Variants in DIS3L2 observed in about 807,000 individuals in gnomAD.
DIS3L2 encodes the protein DIS3-like exonuclease 2.
Under a neutral mutation model 97.5 loss-of-function variants are expected in DIS3L2, and 34 were observed. The observed-to-expected ratio is 0.35, with a 90% confidence interval of 0.27 to 0.46. DIS3L2 has a LOEUF of 0.46. Ranked by LOEUF, DIS3L2 falls within the 20% of genes least tolerant of loss-of-function variation. The pLI is 1.00. For missense variants in DIS3L2, 1,038 were observed against 1,146.0 expected, an observed-to-expected ratio of 0.91 and a Z score of 1.36; for synonymous variants, 435 against 445.2, an observed-to-expected ratio of 0.98 and a Z score of 0.29.
At chr2:232,324,307 T>C (rs1253642859) in intron 14 of DIS3L2, among the ~76,000 whole-genome samples, 3 of 152,266 alleles carry the variant, frequency 2.0e-5, no homozygotes, top group African/African-American at 7.2e-5. Context: ...GCAATTCTTA[T>C]CAAAGCCACG....
chr2:231,993,276 C>T (rs73098535), intron 1 of DIS3L2, among the ~76,000 whole-genome samples: 5,008 of 152,028 alleles, frequency 0.033, 111 homozygotes, highest in African/African-American at 0.051. Context: ...TGCAGTGGTA[C>T]GATCTTGGCT....
At chr2:232,020,846 T>C (rs1694492422) in intron 3 of DIS3L2, among the ~76,000 whole-genome samples, 1 of 152,036 alleles carries the variant, frequency 6.6e-6, no homozygotes, top group South Asian at 2.1e-4. Flanking sequence ...CTTCAAAGAG[T>C]GTGTGGCATG....
chr2:232,185,984 T>C (rs1384734015), intron 9 of DIS3L2, among the ~76,000 whole-genome samples: 1 of 152,228 alleles, frequency 6.6e-6, no homozygotes, highest in Admixed American at 6.5e-5. Context: ...GCTGGTTCTT[T>C]TTTTTTAAAA....
intron 6 of DIS3L2, among the ~76,000 whole-genome samples, chr2:232,122,482 C>T (rs191052079): frequency 1.4e-3 from 215 of 152,200 alleles, no homozygotes; most frequent in African/African-American, 4.8e-3. Flanking sequence ...TTTGGAAGGC[C>T]GAGGTGGGTG....
chr2:232,124,283 C>T (rs1697992410), intron 6 of DIS3L2, among the ~76,000 whole-genome samples: 1 of 152,030 alleles, frequency 6.6e-6, no homozygotes, highest in African/African-American at 2.4e-5. Flanking sequence ...AGTCTGTTTC[C>T]CCTGTTTAAA....
intron 6 of DIS3L2, among the ~76,000 whole-genome samples, chr2:232,088,503 G>A (rs1312332094): frequency 6.6e-6 from 1 of 151,444 alleles, no homozygotes; most frequent in East Asian, 1.9e-4. Context: ...TGGAGCTTGC[G>A]GTGAGCCTAG....
intron 13 of DIS3L2, among the ~76,000 whole-genome samples, chr2:232,277,277 G>A (rs967283440): frequency 9.9e-5 from 15 of 152,170 alleles, no homozygotes; most frequent in Admixed American, 8.5e-4. Context: ...CCCAAGTCAC[G>A]CAAATGTGAG....
chr2:232,281,187 C>T lies in DIS3L2; in HGVS notation c.1659+17747C>T, dbSNP rs1369089670. On this transcript the variant is annotated intron_variant, in intron 13 of 20. Coordinates refer to ENST00000325385, the MANE Select transcript of DIS3L2 (RefSeq NM_152383.5). This position sits in a 1 kb window ranked among gnomAD's most constrained non-coding sequence, Gnocchi z 4.1. Reference sequence around the variant, plus strand: ...GGCCGAGGCGGGTGGATCACAAGGTCAGGAGATCGAGACCATCCTGGCTAA... The same window carrying T: ...GGCCGAGGCGGGTGGATCACAAGGTTAGGAGATCGAGACCATCCTGGCTAA... Among the ~76,000 whole-genome samples, 1 of 152,168 alleles carries T rather than the reference C, an allele frequency of 6.6e-6. No homozygotes were observed. Among genetic ancestry groups the T allele is most frequent in the Non-Finnish European group, 1.5e-5 (1 of 68,032 alleles).
chr2:232,139,188 A>C (rs954809478), intron 8 of DIS3L2, among the ~76,000 whole-genome samples: 7 of 152,200 alleles, frequency 4.6e-5, no homozygotes, highest in Non-Finnish European at 1.0e-4. Flanking sequence ...AGGAAGTCTC[A>C]TGAGAAAATC....
At chr2:232,294,132 C>A (rs1694667088) in intron 13 of DIS3L2, among the ~76,000 whole-genome samples, 1 of 152,204 alleles carries the variant, frequency 6.6e-6, no homozygotes, top group African/African-American at 2.4e-5. Flanking sequence ...CAACAAGCAT[C>A]CCCTCGTACC....
chr2:232,122,006 T>C (rs1048489340), intron 6 of DIS3L2, among the ~76,000 whole-genome samples: 3 of 152,172 alleles, frequency 2.0e-5, no homozygotes, highest in Admixed American at 2.0e-4. Flanking sequence ...CTAAATCTGT[T>C]CCCTGTTCAG....
intron 6 of DIS3L2, among the ~76,000 whole-genome samples, chr2:232,100,192 A>ATTTT (rs10594218): frequency 4.4e-5 from 5 of 112,494 alleles, no homozygotes; most frequent in Admixed American, 9.0e-5. Flanking sequence ...CCCTGCTAAT[A>ATTTT]TTTTTTTTTT....
chr2:232,245,285 C>G (rs564372654), intron 11 of DIS3L2, among the ~76,000 whole-genome samples: 1 of 152,170 alleles, frequency 6.6e-6, no homozygotes, highest in East Asian at 1.9e-4. Flanking sequence ...TGGACTGTTG[C>G]GCCATGGTCC....
chr2:232,070,182 A>C (rs191771937), intron 5 of DIS3L2, among the ~76,000 whole-genome samples: 9 of 152,238 alleles, frequency 5.9e-5, no homozygotes, highest in Admixed American at 2.6e-4. Context: ...TCTGTTAGAA[A>C]TTCTTTCGTA....
chr2:232,034,255 G>A (rs1019688388), intron 5 of DIS3L2, among the ~76,000 whole-genome samples: 25 of 152,158 alleles, frequency 1.6e-4, no homozygotes, highest in African/African-American at 5.6e-4. Context: ...TATTTGTGTA[G>A]AGGTGTTTAT....
intron 5 of DIS3L2, among the ~76,000 whole-genome samples, chr2:232,083,329 T>C (rs1209348818): frequency 7.2e-6 from 1 of 139,710 alleles, no homozygotes; most frequent in East Asian, 2.6e-4. Flanking sequence ...GACCTTTCAC[T>C]GTGAGAAAGT....
chr2:231,973,471 T>C (rs1027789325), intron 1 of DIS3L2, among the ~76,000 whole-genome samples: 5 of 152,206 alleles, frequency 3.3e-5, no homozygotes, highest in African/African-American at 1.2e-4. Flanking sequence ...TAATACATTT[T>C]CCCACTTCAG....
intron 13 of DIS3L2, chr2:232,343,101 C>G (rs1337090922): frequency 6.3e-6 from 3 of 479,526 alleles, no homozygotes; most frequent in Non-Finnish European, 1.1e-5. Flanking sequence ...GCACTGCCGC[C>G]TACCCTGGGG....
intron 6 of DIS3L2, among the ~76,000 whole-genome samples, chr2:232,127,098 G>A (rs1279833014): frequency 2.0e-5 from 3 of 152,188 alleles, no homozygotes; most frequent in Non-Finnish European, 4.4e-5. Context: ...TTTAGGGGTT[G>A]CATGGACTTG....
Sources: allele counts gnomAD v4.1 joint callset (sites outside exome capture counted in the v4.1 genomes callset), GRCh38; gene constraint gnomAD v4.1.1; non-coding constraint Gnocchi (gnomAD v3.1); transcripts MANE v1.5; gene names NCBI Gene and HGNC (gene_info 2026-07-23, HGNC 2026-07-21).